The following CPB2 variants were observed in gnomAD, a reference collection of about 807,000 sequenced individuals.
CPB2 encodes carboxypeptidase B2, also known as carboxypeptidase B-like protein.
Under a neutral mutation model 57.0 loss-of-function variants are expected in CPB2, and 54 were observed. That is an observed-to-expected ratio of 0.95 (90% CI 0.76 to 1.19). CPB2 has a LOEUF of 1.19. Among genes scored for constraint, CPB2 ranks in the 50% most tolerant of loss-of-function variants. The pLI is 0.00. For missense variants in CPB2, 426 were observed against 512.0 expected (o/e 0.83, Z 1.62); for synonymous variants, 189 against 178.1 (o/e 1.06, Z -0.49).
chr13:46,086,468 G>A (rs1182553365), intron 2 of CPB2, among the ~76,000 whole-genome samples: 1 of 152,222 alleles, frequency 6.6e-6, no homozygotes. Context: ...AGACCCTGGA[G>A]TGGGTGGCTC....
intron 3 of CPB2, among the ~76,000 whole-genome samples, chr13:46,083,320 A>G (rs967386296): frequency 6.6e-6 from 1 of 152,218 alleles, no homozygotes; most frequent in Non-Finnish European, 1.5e-5. Flanking sequence ...TCATCTATAT[A>G]ATGGGGTTGC....
At chr13:46,056,599 T>A (rs565273722) in intron 9 of CPB2, among the ~76,000 whole-genome samples, 60 of 152,328 alleles carry the variant, frequency 3.9e-4, no homozygotes, top group African/African-American at 1.4e-3. Context: ...CCCCATTGTC[T>A]ACATAATGAA....
At chr13:46,077,835 T>A (rs1324130978) in intron 5 of CPB2, among the ~76,000 whole-genome samples, 3 of 152,162 alleles carry the variant, frequency 2.0e-5, no homozygotes, top group Non-Finnish European at 4.4e-5. Context: ...ATAAGCTATG[T>A]AGGGAAAGAC....
intron 7 of CPB2, among the ~76,000 whole-genome samples, chr13:46,066,556 G>A (rs1395951370): frequency 6.6e-6 from 1 of 152,136 alleles, no homozygotes; most frequent in African/African-American, 2.4e-5. Context: ...TTTTTAAAAA[G>A]TTAGGAGGCC....
chr13:46,099,651 T>C (rs555619586), intron 1 of CPB2: 3 of 152,338 alleles, frequency 2.0e-5, no homozygotes, highest in African/African-American at 7.2e-5. Flanking sequence ...TGATATTTAG[T>C]AACTTGGATA....
At chr13:46,057,910 G>T (rs1566395770) in intron 9 of CPB2, among the ~76,000 whole-genome samples, 2 of 152,136 alleles carry the variant, frequency 1.3e-5, no homozygotes, top group African/African-American at 2.4e-5. Flanking sequence ...TGTAGTAGTA[G>T]TTCCTTCCTA....
At position 46,089,862 on chromosome 13, in the gene CPB2, G is replaced by A. The variant is rs141885565; in HGVS notation, c.75-2042C>T. Among the ~76,000 whole-genome samples, 169 of 152,164 alleles carry A rather than the reference G, an allele frequency of 1.1e-3. 1 individual carries two copies. The highest frequency in any genetic ancestry group is 0.01 in the Middle Eastern group (3 of 294). ...GAACCGTGAGCAATAAATTTCTGTT[G>A]TTTATAAGCTGCACCACTTAAGGTA... is the stretch of plus-strand genomic sequence containing the variant. On this transcript the variant is annotated intron_variant, in intron 1 of 10. Transcript: ENST00000181383.
At chr13:46,067,518 A>C in intron 6 of CPB2, 101 bp from the exon 7 acceptor site, 1 of 649,258 alleles carries the variant, frequency 1.5e-6, no homozygotes. Flanking sequence ...GCATGTTTAG[A>C]TTTGCAGATT....
chr13:46,103,124 G>A (rs1242228543), intron 1 of CPB2, among the ~76,000 whole-genome samples: 1 of 152,174 alleles, frequency 6.6e-6, no homozygotes, highest in African/African-American at 2.4e-5. Flanking sequence ...CTCATTTGAA[G>A]AGATGTGCTA....
chr13:46,084,564 A>G (rs1417688171), intron 2 of CPB2, among the ~76,000 whole-genome samples: 8 of 152,142 alleles, frequency 5.3e-5, no homozygotes, highest in African/African-American at 1.9e-4. Flanking sequence ...AATAAAATAA[A>G]AGGGCCTGGA....
chr13:46,104,873 C>A lies in CPB2; in HGVS notation c.74+63G>T. The A allele has an allele frequency of 5.0e-6, 8 of 1,597,680 alleles. No individual in the cohort carries two copies. The South Asian group carries it at 8.8e-5, about 18-fold the overall frequency. ...CCACCAGCTCAGTGCACTGACTTGACACGACATGAGGCAAACAAGTGAGGA... is the reference window on the plus strand; with the variant it reads ...CCACCAGCTCAGTGCACTGACTTGAAACGACATGAGGCAAACAAGTGAGGA... On this transcript the variant is annotated intron_variant, in intron 1 of 10. Coordinates refer to ENST00000181383, the MANE Select transcript of CPB2 (RefSeq NM_001872.5).
At position 46,058,369 on chromosome 13, in the gene CPB2, G is replaced by T; in HGVS notation, c.809C>A (p.Ser270Tyr). The change falls in exon 9 of 11, where the codon TCC (serine) becomes TAC (tyrosine). Residue 270 changes from serine to tyrosine, a missense_variant. Physicochemically the swap from Ser to Tyr is moderately radical, Grantham distance 144. Transcript: ENST00000181383. ...ASKHWCEEGASSSSCSETYCG... is the reference protein window; with the variant it reads ...ASKHWCEEGAYSSSCSETYCG... The stretch of plus-strand genomic sequence containing the variant: ...GTAGGTTTCCGAGCATGAGGAACTG[G>T]ATGCACCTTCCTCTGTAACGAAATT... The T allele has an allele frequency of 6.2e-7, 1 of 1,613,948 alleles. No individual in the cohort carries two copies. The highest frequency in any genetic ancestry group is 8.5e-7 in the Non-Finnish European group (1 of 1,179,888).
chr13:46,075,463 G>T (rs1054362356), intron 5 of CPB2, among the ~76,000 whole-genome samples: 4 of 152,208 alleles, frequency 2.6e-5, no homozygotes, highest in African/African-American at 9.6e-5. Flanking sequence ...CAGAATGCAT[G>T]ATTTTTCAAC....
At chr13:46,074,240 A>G (rs949300941) in intron 5 of CPB2, among the ~76,000 whole-genome samples, 2 of 152,156 alleles carry the variant, frequency 1.3e-5, no homozygotes, top group Non-Finnish European at 2.9e-5. Flanking sequence ...ATCCTCCACA[A>G]TTATGCAGTC....
intron 1 of CPB2, among the ~76,000 whole-genome samples, chr13:46,095,313 AT>A (rs2045349358): frequency 2.4e-5 from 2 of 82,538 alleles, no homozygotes; most frequent in African/African-American, 8.9e-5. Context: ...CAGCCAAGAT[AT>A]CAAAATTAAA....
At chr13:46,088,576 G>A (rs937291319) in intron 1 of CPB2, among the ~76,000 whole-genome samples, 5 of 152,196 alleles carry the variant, frequency 3.3e-5, no homozygotes, top group Non-Finnish European at 7.3e-5. Context: ...ATAGGATAGT[G>A]TCATATCAGT....
chr13:46,096,906 T>C (rs974856929), intron 1 of CPB2, among the ~76,000 whole-genome samples: 2 of 152,068 alleles, frequency 1.3e-5, no homozygotes, highest in African/African-American at 4.8e-5. Context: ...ACACCTTGGG[T>C]GGAAAAGGTG....
chr13:46,104,979 G>A lies in CPB2; in HGVS notation c.31C>T (p.Pro11Ser), dbSNP rs1355212461. Residue 11 changes from proline to serine, a missense_variant, in exon 1 of 11, where the codon CCC (proline) becomes TCC (serine). By Grantham distance (74) the Pro-to-Ser change is moderately conservative. Coordinates refer to ENST00000181383, the MANE Select transcript of CPB2 (RefSeq NM_001872.5). ...TGCTGCTCACAGAAGAGAACAATGG[G>A]TACAAGGACTGCAAGGCTGCAAAGC... MKLCSLAVLV[P>S]IVLFCEQHVF... The A allele has an allele frequency of 1.2e-6, 2 of 1,613,846 alleles. No individual in the cohort carries two copies. Among genetic ancestry groups the A allele is most frequent in the Non-Finnish European group, 8.5e-7 (1 of 1,179,900 alleles).
chr13:46,073,534 T>A, intron 6 of CPB2: 2 of 922,942 alleles, frequency 2.2e-6, no homozygotes, highest in Non-Finnish European at 2.6e-6. Flanking sequence ...AGAAATAAAT[T>A]AATTGGGCCC....
Sources: gnomAD v4.1 joint callset for allele counts (sites outside exome capture counted in the v4.1 genomes callset) on GRCh38, gnomAD v4.1.1 for gene constraint, MANE v1.5 for transcripts, NCBI Gene and HGNC (gene_info 2026-07-23, HGNC 2026-07-21) for gene names.